The following HEXA variants were observed in gnomAD, a reference collection of about 807,000 sequenced individuals.
The protein encoded by HEXA is hexosaminidase subunit alpha.
Under a neutral mutation model 73.3 loss-of-function variants are expected in HEXA, and 54 were observed. The ratio of observed to expected loss-of-function variants is 0.74; its 90% CI spans 0.59 to 0.92. The LOEUF is 0.92. Ranked by LOEUF, HEXA falls within the 40% of genes least tolerant of loss-of-function variation. The pLI is 0.00. For missense variants in HEXA, 649 were observed against 653.0 expected, an observed-to-expected ratio of 0.99 and a Z score of 0.07; for synonymous variants, 230 against 246.9, an observed-to-expected ratio of 0.93 and a Z score of 0.64.
chr15:72,365,906 T>C (rs1001670379), intron 1 of HEXA, among the ~76,000 whole-genome samples: 1 of 152,352 alleles, frequency 6.6e-6, no homozygotes, highest in South Asian at 2.1e-4. Context: ...CTTTGCCCAA[T>C]ATATAACCCC....
intron 1 of HEXA, among the ~76,000 whole-genome samples, chr15:72,372,953 C>T (rs1035659221): frequency 6.6e-6 from 1 of 152,040 alleles, no homozygotes; most frequent in Non-Finnish European, 1.5e-5. Context: ...GGCAACATGG[C>T]GAAACCCCAT....
In HEXA at chr15:72,341,409, C is replaced by T. The variant is rs528407396; in HGVS notation, c.*2668G>A. 6.6e-6 allele frequency: 1 copy of T among 150,644 alleles called. No homozygotes were observed. The highest frequency in any genetic ancestry group is 1.5e-5 in the Non-Finnish European group (1 of 67,938). 9.3% of individuals were successfully genotyped at this position (150,644 alleles called of 1,614,324 possible). A position where few individuals can be genotyped will look rare whatever the true frequency, so the allele number is the denominator to read the frequency against. On this transcript the variant is annotated 3_prime_UTR_variant, in exon 14 of 14. Transcript: ENST00000268097. ...CCTGGCATGCAGCCTCAGCTCCTAC[C>T]AAGGAGAGGAGAGGTTGAAGACTCT...
chr15:72,344,551 G>T (rs1405812188), intron 13 of HEXA, among the ~76,000 whole-genome samples: 1 of 152,128 alleles, frequency 6.6e-6, no homozygotes, highest in African/African-American at 2.4e-5. Flanking sequence ...GGCACTGGGG[G>T]ACTTAGGTGC....
At chr15:72,351,284 A>G (rs1271726426) in intron 5 of HEXA, 50 bp from the exon 6 acceptor site, 5 of 1,290,450 alleles carry the variant, frequency 3.9e-6, no homozygotes, top group Non-Finnish European at 5.7e-6. Flanking sequence ...CTCCGGTTTC[A>G]GCCTCAAACT....
At chr15:72,371,247 C>T (rs1427271060) in intron 1 of HEXA, among the ~76,000 whole-genome samples, 1 of 152,118 alleles carries the variant, frequency 6.6e-6, no homozygotes, top group Non-Finnish European at 1.5e-5. Context: ...TTATCCTTTG[C>T]CTGGAATCAC....
chr15:72,351,304 G>A (rs1595800595), intron 5 of HEXA, 70 bp from the exon 6 acceptor site: 1 of 1,045,274 alleles, frequency 9.6e-7, no homozygotes. Context: ...TTGCGATGTT[G>A]GGCGAGCTCT....
chr15:72,349,021 C>G, intron 8 of HEXA, 58 bp downstream of exon 8: 1 of 1,466,314 alleles, frequency 6.8e-7, no homozygotes, highest in Non-Finnish European at 9.6e-7. Context: ...CGGGTGCTAA[C>G]TTCTATTCTG....
chr15:72,373,575 G>C (rs2089020349), intron 1 of HEXA, among the ~76,000 whole-genome samples: 1 of 152,146 alleles, frequency 6.6e-6, no homozygotes, highest in Admixed American at 6.5e-5. Flanking sequence ...ACATCTTATT[G>C]AATTTATCTG....
At chr15:72,355,524 T>G (rs376248877) in intron 3 of HEXA, 35 bp downstream of exon 3, 1 of 1,468,492 alleles carries the variant, frequency 6.8e-7, no homozygotes, top group Non-Finnish European at 9.5e-7. Context: ...ACATCATCCT[T>G]TCTCTCTCTC....
At chr15:72,364,614 G>T (rs2088892503) in intron 1 of HEXA, among the ~76,000 whole-genome samples, 2 of 152,062 alleles carry the variant, frequency 1.3e-5, no homozygotes, top group South Asian at 4.1e-4. Flanking sequence ...CCACAGGTAA[G>T]AAAAGTTTTG....
chr15:72,347,606 C>A, intron 10 of HEXA, 80 bp downstream of exon 10: 1 of 1,114,290 alleles, frequency 9.0e-7, no homozygotes, highest in South Asian at 1.2e-5. Context: ...GAGGATCAGT[C>A]TCTGTAGAGG....
chr15:72,365,853 G>A (rs1183668080), intron 1 of HEXA, among the ~76,000 whole-genome samples: 1 of 151,964 alleles, frequency 6.6e-6, no homozygotes, highest in Admixed American at 6.6e-5. Flanking sequence ...TAATCTTATT[G>A]TCAGGGAAAT....
chr15:72,350,023 A>T (rs2088674802), intron 7 of HEXA, among the ~76,000 whole-genome samples: 1 of 152,042 alleles, frequency 6.6e-6, no homozygotes, highest in South Asian at 2.1e-4. Context: ...CTTGGCCTCC[A>T]AAAGTGGTGG....
chr15:72,343,903 C>T lies in HEXA; in HGVS notation c.*174G>A, dbSNP rs751716928. ...ATCCATGTTTATTATAGAAAAATGCCACATTACTCTTTATTGAATGCGAGC... is the reference window on the plus strand; with the variant it reads ...ATCCATGTTTATTATAGAAAAATGCTACATTACTCTTTATTGAATGCGAGC... On this transcript the variant is annotated 3_prime_UTR_variant, in exon 14 of 14. Coordinates refer to ENST00000268097, the MANE Select transcript of HEXA (RefSeq NM_000520.6). 56 of 607,282 alleles carry T rather than the reference C, an allele frequency of 9.2e-5. No homozygotes were observed. The highest frequency in any genetic ancestry group is 1.5e-4 in the Non-Finnish European group (52 of 336,696). The allele number at this position is 607,282 out of a possible 1,614,324, so 37.6% of individuals were successfully genotyped here. A position where few individuals can be genotyped will look rare whatever the true frequency, so the allele number is the denominator to read the frequency against.
In HEXA at chr15:72,343,213, C is replaced by T. The variant is rs1024724415; in HGVS notation, c.*864G>A. The T allele has an allele frequency of 1.7e-4, 25 of 151,030 alleles. 1 individual carries two copies. The highest frequency in any genetic ancestry group is 8.4e-4 in the South Asian group (4 of 4,790). 9.4% of individuals were successfully genotyped at this position (151,030 alleles called of 1,614,324 possible). ...TCCAGCCTGTGTGACAGTGAGACTC[C>T]GTCTCAGAAAAAAAAAATATATATA... On this transcript the variant is annotated 3_prime_UTR_variant, in exon 14 of 14. Coordinates refer to ENST00000268097, the MANE Select transcript of HEXA (RefSeq NM_000520.6).
At chr15:72,355,672 C>A in intron 2 of HEXA, 48 bp from the exon 3 acceptor site, 2 of 1,249,396 alleles carry the variant, frequency 1.6e-6, no homozygotes, top group Non-Finnish European at 2.4e-6. Flanking sequence ...GTTTTCTATT[C>A]TCAGATTATA....
At position 72,350,575 on chromosome 15, in the gene HEXA, C is replaced by G; in HGVS notation, c.748G>C (p.Gly250Arg). The G allele has an allele frequency of 6.2e-7, 1 of 1,614,002 alleles. No individual in the cohort carries two copies. Among genetic ancestry groups the G allele is most frequent in the Non-Finnish European group, 8.5e-7 (1 of 1,179,898 alleles). ...TCAAACTCTGCAAGCACACGGATAC[C>G]CCGGAGCCGTGCGTATTCAATGACC... ...KEVIEYARLRGIRVLAEFDTP... is the reference protein window; with the variant it reads ...KEVIEYARLRRIRVLAEFDTP... Residue 250 changes from glycine to arginine, a missense_variant, in exon 7 of 14, where the codon GGT (glycine) becomes CGT (arginine). Gly to Arg is a moderately radical substitution (Grantham distance 125, BLOSUM62 -2). Coordinates refer to ENST00000268097, the MANE Select transcript of HEXA (RefSeq NM_000520.6).
chr15:72,375,365 T>C (rs1484949861), intron 1 of HEXA, among the ~76,000 whole-genome samples: 1 of 152,190 alleles, frequency 6.6e-6, no homozygotes, highest in Admixed American at 6.5e-5. Context: ...GAAACTTGTA[T>C]GTAACTTTGC....
intron 5 of HEXA, 163 bp from the exon 6 acceptor site, chr15:72,351,397 C>G (rs914762492): frequency 2.9e-6 from 2 of 683,962 alleles, no homozygotes; most frequent in Non-Finnish European, 5.4e-6. Context: ...ACCTTCCCAT[C>G]AGGGAGGGAT....
Sources: gnomAD v4.1 joint callset for allele counts (sites outside exome capture counted in the v4.1 genomes callset) on GRCh38, gnomAD v4.1.1 for gene constraint, MANE v1.5 for transcripts, NCBI Gene and HGNC (gene_info 2026-07-23, HGNC 2026-07-21) for gene names.